TNC: variants seen among roughly 807,000 people sequenced by gnomAD.
TNC encodes tenascin C, also known as tenascin.
In TNC, 109 loss-of-function variants were observed where a neutral mutation model predicts 202.4. The ratio of observed to expected loss-of-function variants is 0.54; its 90% CI spans 0.46 to 0.63. The LOEUF (loss-of-function observed/expected upper bound fraction) is 0.63, where lower values mean the gene tolerates loss of function less well. Among genes scored for constraint, TNC ranks in the 30% least tolerant of loss-of-function variants. The probability of loss-of-function intolerance (pLI) is 0.00; values close to 1 mark genes in which losing one functional copy is unlikely to be tolerated. For missense variants in TNC, 2,756 were observed against 2,833.3 expected, an observed-to-expected ratio of 0.97 and a Z score of 0.62; for synonymous variants, 1,007 against 1,089.7, an observed-to-expected ratio of 0.92 and a Z score of 1.50.
chr9:115,020,654 T>C lies in TNC; in HGVS notation c.*503A>G, dbSNP rs1430282990. The C allele has an allele frequency of 2.8e-6, 1 of 358,822 alleles. No homozygotes were observed. The highest frequency in any genetic ancestry group is 2.1e-5 in the African/African-American group (1 of 46,912). The allele number at this position is 358,822 out of a possible 1,614,324, so 22.2% of individuals were successfully genotyped here. On this transcript the variant is annotated 3_prime_UTR_variant, in exon 28 of 28. Coordinates refer to ENST00000350763, the MANE Select transcript of TNC (RefSeq NM_002160.4). Reference sequence around the variant, plus strand: ...TTCATCATCATCATCATCATTATTATATTAATAATATTAATCATATCCTTA... The same window carrying C: ...TTCATCATCATCATCATCATTATTACATTAATAATATTAATCATATCCTTA...
intron 10 of TNC, among the ~76,000 whole-genome samples, chr9:115,069,802 CCCTT>C (rs1833323932): frequency 3.4e-5 from 3 of 87,220 alleles, no homozygotes; most frequent in Admixed American, 2.3e-4. Context: ...CTTCCTTCCT[CCCTT>C]CCTCCCTCCC....
chr9:115,046,240 T>G (rs536123325), intron 17 of TNC, among the ~76,000 whole-genome samples, 170 bp downstream of exon 17: 18 of 152,202 alleles, frequency 1.2e-4, no homozygotes, highest in Non-Finnish European at 8.8e-5. Context: ...ATACTTTTTT[T>G]GCATAAGGAC....
chr9:115,053,715 A>C (rs971293178), intron 15 of TNC, among the ~76,000 whole-genome samples: 6 of 152,246 alleles, frequency 3.9e-5, no homozygotes, highest in Non-Finnish European at 8.8e-5. Flanking sequence ...GCTAATACCC[A>C]TACAAGAGAA....
chr9:115,090,990 C>A lies in TNC; in HGVS notation c.29G>T (p.Gly10Val), dbSNP rs1835187684. Residue 10 changes from glycine (G) to valine (V), a missense_variant, in exon 2 of 28, where the codon GGT (glycine) becomes GTT (valine). Coordinates refer to ENST00000350763, the MANE Select transcript of TNC (RefSeq NM_002160.4). ...GAGGGCAAGGAAAGCAAGAAAGACACCTGCCAACAGCTGAGTCATGGCCCC... is the reference window on the plus strand; with the variant it reads ...GAGGGCAAGGAAAGCAAGAAAGACAACTGCCAACAGCTGAGTCATGGCCCC... The part of the protein sequence containing the change: MGAMTQLLA[G>V]VFLAFLALAT... 1 of 1,612,856 alleles carries A rather than the reference C, an allele frequency of 6.2e-7. No homozygotes were observed. Among genetic ancestry groups the A allele is most frequent in the Non-Finnish European group, 8.5e-7 (1 of 1,180,022 alleles).
At chr9:115,057,032 G>T in intron 15 of TNC, 121 bp downstream of exon 15, 1 of 1,227,114 alleles carries the variant, frequency 8.1e-7, no homozygotes, top group Non-Finnish European at 1.1e-6. Flanking sequence ...CCCCAGCCTA[G>T]CACCATGGAA....
At chr9:115,040,793 C>T in intron 19 of TNC, 148 bp downstream of exon 19, 1 of 1,080,072 alleles carries the variant, frequency 9.3e-7, no homozygotes, top group East Asian at 2.7e-5. Flanking sequence ...AGTTCACTTT[C>T]CACTAGGATC....
intron 19 of TNC, among the ~76,000 whole-genome samples, chr9:115,040,582 A>C (rs1409187503): frequency 1.3e-5 from 2 of 152,220 alleles, no homozygotes; most frequent in African/African-American, 4.8e-5. Context: ...TTTACAGAGA[A>C]GGAAAGTGGA....
rs754133454 is a variant in TNC, at chr9:115,046,546, T to C, written c.4989A>G (p.Pro1663=). Residue 1663 remains proline, a synonymous_variant, in exon 17 of 28, where the codon CCA becomes CCG. Transcript: ENST00000350763. ...CGGGGGCAAGTAGGGTTATTTCCAG[T>C]GGCTCAGACTGCTTTTTGGTATCTC... is the stretch of plus-strand genomic sequence containing the variant. ...KIRDTKKQSE[P]LEITLLAPER... The C allele has an allele frequency of 1.9e-6, 3 of 1,614,170 alleles. No individual in the cohort carries two copies. The South Asian group carries it at 3.3e-5, about 18-fold the overall frequency.
At chr9:115,110,878 A>AT (rs71375271) in intron 1 of TNC, among the ~76,000 whole-genome samples, 1,898 of 117,088 alleles carry the variant, frequency 0.016, 50 homozygotes, top group African/African-American at 0.053. Context: ...GGCTGCCAGA[A>AT]TTTTTTTTTT....
chr9:115,048,208 A>T lies in TNC; in HGVS notation c.4852+52T>A, dbSNP rs528250598. 409 of 1,590,714 alleles carry T rather than the reference A, an allele frequency of 2.6e-4. 6 individuals are homozygous for T. The South Asian group carries it at 4.4e-3, about 17-fold the overall frequency. On this transcript the variant is annotated intron_variant, in intron 16 of 27. Coordinates refer to ENST00000350763, the MANE Select transcript of TNC (RefSeq NM_002160.4). Reference sequence around the variant, plus strand: ...GTCATGGCGATCCGGTAGACAGATTACACAGAAGGGGACCAGGAAGAGGAA... The same window carrying T: ...GTCATGGCGATCCGGTAGACAGATTTCACAGAAGGGGACCAGGAAGAGGAA...
intron 17 of TNC, 145 bp downstream of exon 17, chr9:115,046,265 C>T (rs899299579): frequency 4.1e-6 from 4 of 975,088 alleles, no homozygotes; most frequent in South Asian, 1.6e-5. Flanking sequence ...CCAAATTGTC[C>T]AAGGTAACAC....
At chr9:115,038,128 T>C in intron 20 of TNC, 133 bp downstream of exon 20, 1 of 1,225,558 alleles carries the variant, frequency 8.2e-7, no homozygotes, top group Non-Finnish European at 1.1e-6. Flanking sequence ...ACATGAACAT[T>C]ACTGGCCTTT....
chr9:115,108,185 A>T (rs1321049978), intron 1 of TNC, among the ~76,000 whole-genome samples: 1 of 152,178 alleles, frequency 6.6e-6, no homozygotes, highest in Non-Finnish European at 1.5e-5. Flanking sequence ...TTGGATTTTT[A>T]GTGCAGATCT....
In TNC at chr9:115,090,964, C is replaced by T. The variant is rs780074979; in HGVS notation, c.55G>A (p.Ala19Thr). Residue 19 changes from alanine to threonine, a missense_variant, in exon 2 of 28, where the codon GCT becomes ACT. Coordinates refer to ENST00000350763, the MANE Select transcript of TNC (RefSeq NM_002160.4). ...AGVFLAFLAL[A>T]TEGGVLKKVI... Reference sequence around the variant, plus strand: ...TTCTTGAGGACCCCACCTTCGGTAGCGAGGGCAAGGAAAGCAAGAAAGACA... The same window carrying T: ...TTCTTGAGGACCCCACCTTCGGTAGTGAGGGCAAGGAAAGCAAGAAAGACA... 2.0e-5 allele frequency: 33 copies of T among 1,613,834 alleles called. No individual in the cohort carries two copies. In the East Asian group the frequency reaches 2.9e-4, roughly 14 times the overall value.
At position 115,078,203 on chromosome 9, in the gene TNC, G is replaced by T; in HGVS notation, c.2414C>A (p.Ala805Asp). ...ATCTTTCACCTCGATCTGGCTGGGG[G>T]CATCCAAGCCTATGATGGGCAGAGG... Reference protein sequence around the residue: ...LKRVTTTRLDAPSQIEVKDVT... With the variant: ...LKRVTTTRLDDPSQIEVKDVT... The change falls in exon 7 of 28, where the codon GCC becomes GAC. Residue 805 changes from alanine to aspartate, a missense_variant. Around this residue, in one of 2 missense-constraint regions of TNC, gnomAD observed 2,559 missense variants for 2,546.0 expected, o/e 1.01. Transcript: ENST00000350763. 6.2e-7 allele frequency: 1 copy of T among 1,605,522 alleles called. No individual in the cohort carries two copies. The highest frequency in any genetic ancestry group is 8.5e-7 in the Non-Finnish European group (1 of 1,173,222).
intron 17 of TNC, among the ~76,000 whole-genome samples, chr9:115,043,966 C>T (rs951748526): frequency 5.9e-5 from 9 of 152,184 alleles, no homozygotes; most frequent in South Asian, 2.1e-4. Flanking sequence ...ATGTAAACCT[C>T]GTGGCTGACC....
intron 1 of TNC, among the ~76,000 whole-genome samples, chr9:115,102,668 CCTT>C (rs1404678459): frequency 3.3e-5 from 5 of 152,134 alleles, no homozygotes; most frequent in African/African-American, 7.2e-5. Flanking sequence ...ATGCATAACT[CCTT>C]CTCTTAGGAA....
rs368962823 is a variant in TNC at position 115,031,953 on chromosome 9, G to T, written c.5788-268C>A. On this transcript the variant is annotated intron_variant, in intron 22 of 27. Coordinates refer to ENST00000350763, the MANE Select transcript of TNC (RefSeq NM_002160.4). ...AGGAGGGAGAGACCGCATCTGGTAA[G>T]GATGAGAGCACTGCTGTAGACTCCA... Among the ~76,000 whole-genome samples the T allele has an allele frequency of 2.0e-5, 3 of 152,288 alleles. No individual in the cohort carries two copies. In the South Asian group the frequency reaches 6.2e-4, roughly 32 times the overall value.
chr9:115,114,061 C>T (rs1837275078), intron 1 of TNC, among the ~76,000 whole-genome samples: 1 of 152,208 alleles, frequency 6.6e-6, no homozygotes, highest in Non-Finnish European at 1.5e-5. Flanking sequence ...TAGGTAAGTT[C>T]ACCATCTCTG....
Sources: allele counts gnomAD v4.1 joint callset (sites outside exome capture counted in the v4.1 genomes callset), GRCh38; gene constraint gnomAD v4.1.1; regional missense constraint gnomAD v4.1.1; transcripts MANE v1.5; gene names NCBI Gene and HGNC (gene_info 2026-07-23, HGNC 2026-07-21).